PTAFR: variants seen among roughly 807,000 people sequenced by gnomAD.
PTAFR encodes the protein platelet activating factor receptor, also known as platelet-activating factor receptor.
A neutral mutation model predicts 14.7 loss-of-function variants in PTAFR; 8 were observed. That is an observed-to-expected ratio of 0.54 (90% confidence interval 0.32 to 0.98). The LOEUF is 0.98. Among genes scored for constraint, PTAFR ranks in the 50% least tolerant of loss-of-function variants. The pLI is 0.04. For missense variants in PTAFR, 337 were observed against 451.2 expected (o/e 0.75, Z 2.29); for synonymous variants, 156 against 176.5 (o/e 0.88, Z 0.92).
Position 28,148,185 on chromosome 1 carries a change from T to C in PTAFR, c.*1808A>G, listed in dbSNP as rs906992983. On this transcript the variant is annotated 3_prime_UTR_variant, in exon 2 of 2. Coordinates refer to ENST00000373857, the MANE Select transcript of PTAFR (RefSeq NM_000952.5). ...GAGGCTGCCAGGTTCACACTGCAGA[T>C]ACTTGTCTCAGGGCAGGAGAGGAGG... 6.6e-6 allele frequency: 1 copy of C among 152,232 alleles called. No individual in the cohort carries two copies. Among genetic ancestry groups the C allele is most frequent in the Admixed American group, 6.6e-5 (1 of 15,266 alleles). The allele number at this position is 152,232 out of a possible 1,614,324, so 9.4% of individuals were successfully genotyped here. A position where few individuals can be genotyped will look rare whatever the true frequency, so the allele number is the denominator to read the frequency against.
At chr1:28,177,891 C>T (rs888138419), upstream of PTAFR, among the ~76,000 whole-genome samples, 3 of 151,942 alleles carry the variant, frequency 2.0e-5, no homozygotes, top group Admixed American at 6.6e-5. Flanking sequence ...GGGGGCATCC[C>T]GTGTGCATAA....
upstream of PTAFR, among the ~76,000 whole-genome samples, chr1:28,179,698 A>G (rs934293949): frequency 6.6e-6 from 1 of 152,020 alleles, no homozygotes; most frequent in African/African-American, 2.4e-5. Context: ...GGTGGCACAC[A>G]CCTGCTGATT....
intron 1 of PTAFR, among the ~76,000 whole-genome samples, chr1:28,174,181 C>A (rs1392541725): frequency 6.6e-6 from 1 of 152,162 alleles, no homozygotes; most frequent in Non-Finnish European, 1.5e-5. Context: ...GGTCCCAGCA[C>A]TTGCCCTTTG....
intron 1 of PTAFR, among the ~76,000 whole-genome samples, chr1:28,188,243 C>T (rs893963733): frequency 4.6e-5 from 7 of 152,168 alleles, no homozygotes; most frequent in South Asian, 4.1e-4. Flanking sequence ...CCCAGGAGTT[C>T]GAGACCAGCT....
At chr1:28,164,666 A>T (rs1289579064) in intron 1 of PTAFR, among the ~76,000 whole-genome samples, 1 of 152,224 alleles carries the variant, frequency 6.6e-6, no homozygotes, top group African/African-American at 2.4e-5. Context: ...ACAGCGGGGA[A>T]GTGGCAGACT....
Position 28,149,730 on chromosome 1 carries a change from T to G in PTAFR, c.*263A>C. 1 of 430,264 alleles carries G rather than the reference T, an allele frequency of 2.3e-6. No homozygotes were observed. Among genetic ancestry groups the G allele is most frequent in the Non-Finnish European group, 4.2e-6 (1 of 240,860 alleles). The allele number at this position is 430,264 out of a possible 1,614,324, so 26.7% of individuals were successfully genotyped here. On this transcript the variant is annotated 3_prime_UTR_variant, in exon 2 of 2. Transcript: ENST00000373857. ...GGCCCTGACATTCCTTCCGGCCCCATAAGATTAAGGGACTCAGGATAAAGT... is the reference window on the plus strand; with the variant it reads ...GGCCCTGACATTCCTTCCGGCCCCAGAAGATTAAGGGACTCAGGATAAAGT...
upstream of PTAFR, among the ~76,000 whole-genome samples, chr1:28,180,206 T>C (rs975078005): frequency 5.9e-5 from 9 of 151,824 alleles, no homozygotes; most frequent in South Asian, 2.1e-4. Context: ...AGGGAGGAGA[T>C]TGTTCCAGAT....
At chr1:28,184,089 T>G (rs946127549) in intron 1 of PTAFR, among the ~76,000 whole-genome samples, 8 of 128,478 alleles carry the variant, frequency 6.2e-5, no homozygotes, top group East Asian at 3.9e-4. Context: ...TCTGTTTTTT[T>G]TTTTTTTTTT....
chr1:28,177,878 G>C (rs552814228), upstream of PTAFR, among the ~76,000 whole-genome samples: 1 of 152,120 alleles, frequency 6.6e-6, no homozygotes, highest in Non-Finnish European at 1.5e-5. Flanking sequence ...AAAGTGAGCT[G>C]GTGGGGGCAT....
In PTAFR at chr1:28,151,068, C is replaced by T; in HGVS notation, c.-38-9G>A. 1.4e-6 allele frequency: 2 copies of T among 1,467,898 alleles called. No homozygotes were observed. Among genetic ancestry groups the T allele is most frequent in the Middle Eastern group, 1.8e-4 (1 of 5,414 alleles). 90.9% of individuals were successfully genotyped at this position (1,467,898 alleles called of 1,614,324 possible). On this transcript the variant is annotated splice_polypyrimidine_tract_variant and intron_variant, in intron 1 of 1. Transcript: ENST00000373857. ...GCTGGTCCTGGTGGTGCCTGGAAGACCACACAAAAATTCTGGTTAATAAAG... is the reference window on the plus strand; with the variant it reads ...GCTGGTCCTGGTGGTGCCTGGAAGATCACACAAAAATTCTGGTTAATAAAG...
chr1:28,171,576 C>G (rs1646455305), intron 1 of PTAFR, among the ~76,000 whole-genome samples: 1 of 152,106 alleles, frequency 6.6e-6, no homozygotes, highest in Non-Finnish European at 1.5e-5. Context: ...AGGAGAAATC[C>G]TGACCTCTGG....
In PTAFR at chr1:28,149,582, T is replaced by C. The variant is rs978492141; in HGVS notation, c.*411A>G. 1.1e-5 allele frequency: 2 copies of C among 179,424 alleles called. No individual in the cohort carries two copies. Among genetic ancestry groups the C allele is most frequent in the Non-Finnish European group, 2.4e-5 (2 of 83,526 alleles). 11.1% of individuals were successfully genotyped at this position (179,424 alleles called of 1,614,324 possible). On this transcript the variant is annotated 3_prime_UTR_variant, in exon 2 of 2. Transcript: ENST00000373857. ...TCTCTTGACCCATGATCTGCCCACC[T>C]CGGCCTCCCAAAGTGCTGGGATTAC...
chr1:28,167,075 A>G (rs1426066655), intron 1 of PTAFR, among the ~76,000 whole-genome samples: 1 of 152,204 alleles, frequency 6.6e-6, no homozygotes, highest in Non-Finnish European at 1.5e-5. Context: ...TATGACACCA[A>G]AAGCACAGGC....
chr1:28,189,690 A>G (rs570566197), intron 1 of PTAFR, among the ~76,000 whole-genome samples: 1 of 151,736 alleles, frequency 6.6e-6, no homozygotes, highest in South Asian at 2.1e-4. Flanking sequence ...ATACTTTTTG[A>G]GACAAGCTCA....
At chr1:28,154,908 G>A (rs1646246632) in intron 1 of PTAFR, among the ~76,000 whole-genome samples, 1 of 151,728 alleles carries the variant, frequency 6.6e-6, no homozygotes, top group South Asian at 2.1e-4. Context: ...CATTTCAGTT[G>A]AGGCCTGAAG....
At position 28,147,690 on chromosome 1, in the gene PTAFR, C is replaced by T. The variant is rs891934756; in HGVS notation, c.*2303G>A. On this transcript the variant is annotated 3_prime_UTR_variant, in exon 2 of 2. Transcript: ENST00000373857. ...TAAATCTAGATGCCCACCTCTCATCCTTTCAGCTCCCATCAGAGGATCAAG... is the reference window on the plus strand; with the variant it reads ...TAAATCTAGATGCCCACCTCTCATCTTTTCAGCTCCCATCAGAGGATCAAG... 3.9e-5 allele frequency: 6 copies of T among 152,190 alleles called. No individual in the cohort carries two copies. The highest frequency in any genetic ancestry group is 1.5e-5 in the Non-Finnish European group (1 of 68,064). 9.4% of individuals were successfully genotyped at this position (152,190 alleles called of 1,614,324 possible). A position where few individuals can be genotyped will look rare whatever the true frequency, so the allele number is the denominator to read the frequency against.
intron 1 of PTAFR, among the ~76,000 whole-genome samples, chr1:28,186,585 A>C (rs1376618253): frequency 6.6e-6 from 1 of 152,212 alleles, no homozygotes; most frequent in Non-Finnish European, 1.5e-5. Flanking sequence ...ACCTGAAAAG[A>C]CTTTTCATAT....
rs578104471 is a variant in PTAFR at position 28,182,165 on chromosome 1, G to A, written c.-39+11557C>T. Among the ~76,000 whole-genome samples, 9 of 151,326 alleles carry A rather than the reference G, an allele frequency of 5.9e-5. No individual in the cohort carries two copies. The South Asian group carries it at 6.3e-4, about 11-fold the overall frequency. On this transcript the variant is annotated intron_variant, in intron 1 of 1. Transcript: ENST00000305392. ...AGCCTGGCCAACATGGTGAAACCCC[G>A]TCTGTACTAAGAATACTAAAATTAG... is the stretch of plus-strand genomic sequence containing the variant.
intron 1 of PTAFR, among the ~76,000 whole-genome samples, chr1:28,168,125 ATTTTTT>A (rs139930851): frequency 1.0e-4 from 13 of 126,530 alleles, no homozygotes; most frequent in African/African-American, 4.0e-4. Flanking sequence ...CACCCGGCTA[ATTTTTT>A]TTTTTTTTTT....
Sources: gnomAD v4.1 joint callset for allele counts (sites outside exome capture counted in the v4.1 genomes callset) on GRCh38, gnomAD v4.1.1 for gene constraint, MANE v1.5 for transcripts, NCBI Gene and HGNC (gene_info 2026-07-23, HGNC 2026-07-21) for gene names.